The following ACAD11 variants were observed in gnomAD, a reference collection of about 807,000 sequenced individuals.
The protein encoded by ACAD11 is acyl-Coenzyme A dehydrogenase family, member 11.
ACAD11 carries 83 observed loss-of-function variants against 102.2 expected under a neutral mutation model. That is an observed-to-expected ratio of 0.81 (90% confidence interval 0.68 to 0.97). ACAD11 has a LOEUF of 0.97. Ranked by LOEUF, ACAD11 falls within the 50% of genes least tolerant of loss-of-function variation. ACAD11 has a pLI of 0.00. For synonymous variants in ACAD11, 324 were observed against 319.8 expected (o/e 1.01, Z -0.14); for missense variants, 901 against 951.7 (o/e 0.95, Z 0.70).
chr3:132,590,798 T>C (rs1023336143), intron 13 of ACAD11, among the ~76,000 whole-genome samples: 1 of 152,218 alleles, frequency 6.6e-6, no homozygotes, highest in African/African-American at 2.4e-5. Context: ...TGGCTGCATA[T>C]ATATCTTCCT....
At chr3:132,641,698 G>GAAGAA (rs1940525618) in intron 4 of ACAD11, among the ~76,000 whole-genome samples, 28 of 116,664 alleles carry the variant, frequency 2.4e-4, no homozygotes, top group African/African-American at 1.1e-3. Flanking sequence ...AAGAGGAAGA[G>GAAGAA]GAAGAAGAAG....
At chr3:132,584,138 T>C (rs113272668) in intron 13 of ACAD11, among the ~76,000 whole-genome samples, 1 of 152,188 alleles carries the variant, frequency 6.6e-6, no homozygotes, top group Admixed American at 6.5e-5. Context: ...CCCGTTGATC[T>C]GTCTAACGTT....
At chr3:132,620,794 G>A (rs1939577431) in intron 9 of ACAD11, among the ~76,000 whole-genome samples, 1 of 152,160 alleles carries the variant, frequency 6.6e-6, no homozygotes, top group South Asian at 2.1e-4. Flanking sequence ...AATCTCCTGG[G>A]GAACTTGATA....
At chr3:132,562,761 T>G (rs558566282) in intron 17 of ACAD11, among the ~76,000 whole-genome samples, 1 of 152,372 alleles carries the variant, frequency 6.6e-6, no homozygotes, top group Admixed American at 6.5e-5. Flanking sequence ...TTGTCCATTT[T>G]TTAATTGGGT....
chr3:132,659,009 A>G (rs780215968), intron 1 of ACAD11, among the ~76,000 whole-genome samples: 3 of 152,180 alleles, frequency 2.0e-5, no homozygotes, highest in African/African-American at 7.2e-5. Context: ...TTTTAGAATA[A>G]AGTTTTAAGA....
intron 13 of ACAD11, among the ~76,000 whole-genome samples, chr3:132,590,120 T>C (rs1938014696): frequency 6.6e-6 from 1 of 152,238 alleles, no homozygotes; most frequent in Admixed American, 6.5e-5. Context: ...GATGGGCATT[T>C]AGGTTGATTC....
intron 11 of ACAD11, among the ~76,000 whole-genome samples, chr3:132,612,291 A>T (rs1234861554): frequency 8.5e-5 from 13 of 152,050 alleles, no homozygotes; most frequent in South Asian, 4.1e-4. Context: ...AACCTAGGCA[A>T]TACCATTCAG....
intron 1 of ACAD11, among the ~76,000 whole-genome samples, chr3:132,656,307 T>C (rs1055385978): frequency 6.6e-6 from 1 of 152,204 alleles, no homozygotes; most frequent in Admixed American, 6.5e-5. Context: ...TGTCCCCTTA[T>C]ACTGTAGTAC....
intron 17 of ACAD11, among the ~76,000 whole-genome samples, chr3:132,561,754 A>G (rs1167579880): frequency 1.3e-5 from 2 of 152,202 alleles, no homozygotes; most frequent in Non-Finnish European, 2.9e-5. Context: ...ATAGATTGGA[A>G]TAACCACAGT....
intron 11 of ACAD11, among the ~76,000 whole-genome samples, chr3:132,606,670 A>C (rs1162553420): frequency 6.6e-6 from 1 of 152,238 alleles, no homozygotes; most frequent in East Asian, 1.9e-4. Context: ...CCTGGGACAG[A>C]GGACCTGCGG....
chr3:132,628,228 A>G (rs138967016), intron 8 of ACAD11, 112 bp downstream of exon 8: 8 of 561,552 alleles, frequency 1.4e-5, no homozygotes, highest in African/African-American at 1.2e-4. Context: ...GATTGGCAGC[A>G]GCAATCCTGG....
At chr3:132,574,856 GAC>G (rs796625000) in intron 17 of ACAD11, among the ~76,000 whole-genome samples, 5 of 151,988 alleles carry the variant, frequency 3.3e-5, no homozygotes, top group African/African-American at 1.2e-4. Context: ...TTTTTCTGGA[GAC>G]AGAGTCTCGC....
chr3:132,559,087 TG>T lies in ACAD11; in HGVS notation c.2229-3del, dbSNP rs1936970350. The stretch of plus-strand genomic sequence containing the variant: ...CGCAAAACTCGGGTTATAGCATACC[TG>T]AAAAAGCAAAAGAATCAGGGAACAC... On this transcript the variant is annotated splice_polypyrimidine_tract_variant and splice_region_variant and intron_variant, in intron 19 of 19. Coordinates refer to ENST00000264990, the MANE Select transcript of ACAD11 (RefSeq NM_032169.5). The T allele has an allele frequency of 1.2e-6, 2 of 1,606,120 alleles. No homozygotes were observed. Among genetic ancestry groups the T allele is most frequent in the South Asian group, 2.2e-5 (2 of 90,734 alleles).
chr3:132,561,694 T>C (rs1427818057), intron 17 of ACAD11, among the ~76,000 whole-genome samples: 2 of 152,224 alleles, frequency 1.3e-5, no homozygotes, highest in Non-Finnish European at 2.9e-5. Flanking sequence ...TGTTATTTAT[T>C]CATTAAAAAT....
chr3:132,639,445 T>C (rs766362586), intron 5 of ACAD11, 47 bp downstream of exon 5: 21 of 1,575,416 alleles, frequency 1.3e-5, no homozygotes, highest in Middle Eastern at 2.2e-4. Flanking sequence ...TAGTACTGTG[T>C]CACAAAACAG....
chr3:132,652,032 G>A (rs1369487386), intron 1 of ACAD11, among the ~76,000 whole-genome samples: 1 of 152,152 alleles, frequency 6.6e-6, no homozygotes, highest in African/African-American at 2.4e-5. Flanking sequence ...AGGACATGAC[G>A]TTTGGGAAGG....
At position 132,560,376 on chromosome 3, in the gene ACAD11, A is replaced by G. The variant is rs538200186; in HGVS notation, c.2119-434T>C. ...GGATGAGAGGTCTCTTTCATGAAAC[A>G]TTTACTATGTAGCAGTATCATGCTG... is the stretch of plus-strand genomic sequence containing the variant. On this transcript the variant is annotated intron_variant, in intron 18 of 19. Coordinates refer to ENST00000264990, the MANE Select transcript of ACAD11 (RefSeq NM_032169.5). Among the ~76,000 whole-genome samples the G allele has an allele frequency of 1.4e-4, 21 of 152,272 alleles. No homozygotes were observed. In the South Asian group the frequency reaches 1.7e-3, roughly 12 times the overall value.
At chr3:132,618,838 T>C in intron 10 of ACAD11, 66 bp from the exon 11 acceptor site, 2 of 1,376,758 alleles carry the variant, frequency 1.5e-6, no homozygotes, top group Non-Finnish European at 1.9e-6. Context: ...TTTATTTCTT[T>C]TTTTAAATAT....
At chr3:132,636,905 A>G (rs1055369048) in intron 5 of ACAD11, among the ~76,000 whole-genome samples, 7 of 152,176 alleles carry the variant, frequency 4.6e-5, no homozygotes, top group African/African-American at 1.7e-4. Flanking sequence ...ACAAGACCAC[A>G]TGCTGAGAGT....
Sources: gnomAD v4.1 joint callset for allele counts (sites outside exome capture counted in the v4.1 genomes callset) on GRCh38, gnomAD v4.1.1 for gene constraint, MANE v1.5 for transcripts, NCBI Gene and HGNC (gene_info 2026-07-23, HGNC 2026-07-21) for gene names.